The following ITPKC variants were observed in gnomAD, a reference collection of about 807,000 sequenced individuals.
ITPKC encodes the protein IP3 3-kinase C.
A neutral mutation model predicts 67.1 loss-of-function variants in ITPKC; 33 were observed. That is an observed-to-expected ratio of 0.49 (90% CI 0.37 to 0.66). The LOEUF is 0.66. ITPKC is among the 30% of genes least tolerant of loss of function. The probability of loss-of-function intolerance (pLI) is 0.00; values close to 1 mark genes in which losing one functional copy is unlikely to be tolerated. For missense variants in ITPKC, 820 were observed against 892.1 expected (o/e 0.92, Z 1.03); for synonymous variants, 341 against 359.8 (o/e 0.95, Z 0.59).
At chr19:40,719,787 G>A (rs2082212798) in intron 1 of ITPKC, among the ~76,000 whole-genome samples, 5 of 152,196 alleles carry the variant, frequency 3.3e-5, no homozygotes, top group East Asian at 1.9e-4. Flanking sequence ...CACTGCACCC[G>A]GCTGAGGTAG....
At chr19:40,739,070 A>G (rs1037496856) in intron 6 of ITPKC, among the ~76,000 whole-genome samples, 6 of 152,232 alleles carry the variant, frequency 3.9e-5, no homozygotes, top group African/African-American at 1.4e-4. Flanking sequence ...TCCACTTAAT[A>G]TTTTTGGATC....
chr19:40,731,922 A>T (rs193161445), intron 3 of ITPKC, among the ~76,000 whole-genome samples: 2 of 152,048 alleles, frequency 1.3e-5, no homozygotes, highest in Non-Finnish European at 2.9e-5. Flanking sequence ...AGCTTCTGAG[A>T]TCTAACACAC....
At chr19:40,733,130 T>C (rs751699439) in intron 3 of ITPKC, 30 bp from the exon 4 acceptor site, 1 of 1,602,448 alleles carries the variant, frequency 6.2e-7, no homozygotes, top group African/African-American at 1.3e-5. Context: ...TTCTACATAA[T>C]TTCCTTTGTC....
rs1225766526 is a variant in ITPKC, at chr19:40,740,740, ATACT to A, written c.*1183_*1186del. On this transcript the variant is annotated 3_prime_UTR_variant, in exon 7 of 7. Transcript: ENST00000263370. Reference sequence around the variant, plus strand: ...CTCTCCTTTTCTACTGACCATCTTGATACTTATTTATACGAGAGGCAGTTGCTGG... The same window carrying A: ...CTCTCCTTTTCTACTGACCATCTTGATATTTATACGAGAGGCAGTTGCTGG... The A allele has an allele frequency of 7.9e-6, 3 of 381,440 alleles. No homozygotes were observed. The highest frequency in any genetic ancestry group is 4.5e-5 in the Admixed American group (1 of 22,118). 23.6% of individuals were successfully genotyped at this position (381,440 alleles called of 1,614,324 possible).
Position 40,717,740 on chromosome 19 carries a change from C to G in ITPKC, c.605C>G (p.Ser202Cys). 6.2e-7 allele frequency: 1 copy of G among 1,613,866 alleles called. No individual in the cohort carries two copies. Among genetic ancestry groups the G allele is most frequent in the Middle Eastern group, 1.7e-4 (1 of 6,060 alleles). ...AACCTCTGGACCCACCAGAACAGTT[C>G]CAGCCTCCAGACTCACCCAGAAGGA... ...ADNLWTHQNSSSLQTHPEGAC... is the reference protein window; with the variant it reads ...ADNLWTHQNSCSLQTHPEGAC... Residue 202 changes from serine to cysteine, a missense_variant, in exon 1 of 7, where the codon TCC becomes TGC. Coordinates refer to ENST00000263370, the MANE Select transcript of ITPKC (RefSeq NM_025194.3).
At chr19:40,735,590 C>T (rs2082290799) in intron 4 of ITPKC, among the ~76,000 whole-genome samples, 1 of 152,086 alleles carries the variant, frequency 6.6e-6, no homozygotes, top group African/African-American at 2.4e-5. Context: ...GGAAGCCCTC[C>T]CTGATTTCTG....
intron 1 of ITPKC, among the ~76,000 whole-genome samples, chr19:40,722,656 G>A (rs1007149762): frequency 2.0e-5 from 3 of 152,192 alleles, no homozygotes; most frequent in African/African-American, 7.2e-5. Context: ...GGTGCAGAAT[G>A]TATTCCTGTG....
In ITPKC at chr19:40,718,144, C is replaced by T. The variant is rs2082201177; in HGVS notation, c.1009C>T (p.Pro337Ser). 1.9e-6 allele frequency: 3 copies of T among 1,605,748 alleles called. No homozygotes were observed. The highest frequency in any genetic ancestry group is 2.2e-5 in the East Asian group (1 of 44,774). Residue 337 changes from proline (P) to serine (S), a missense_variant, in exon 1 of 7, where the codon CCT becomes TCT. Around this residue, in one of 2 missense-constraint regions of ITPKC, gnomAD observed 481 missense variants for 470.1 expected, o/e 1.02. Transcript: ENST00000263370. ...VPRLIITPET[P>S]EPEAQPVGPP... ...CCGCCTCATCATTACCCCTGAGACC[C>T]CTGAGCCTGAGGCCCAGCCAGTGGG...
chr19:40,736,147 C>T (rs2144754450), intron 4 of ITPKC, among the ~76,000 whole-genome samples: 1 of 152,198 alleles, frequency 6.6e-6, no homozygotes, highest in South Asian at 2.1e-4. Context: ...AAAAATTAGC[C>T]AGGCGTGGTG....
At position 40,737,691 on chromosome 19, in the gene ITPKC, C is replaced by T; in HGVS notation, c.1777-7C>T. On this transcript the variant is annotated splice_polypyrimidine_tract_variant and splice_region_variant and intron_variant, in intron 5 of 6. Transcript: ENST00000263370. ...ATGCTAACCAAAGAACGCTCCCTGT[C>T]ACACAGCAAAAGTACGTGGCATGCC... 6.2e-7 allele frequency: 1 copy of T among 1,613,882 alleles called. No individual in the cohort carries two copies. The highest frequency in any genetic ancestry group is 8.5e-7 in the Non-Finnish European group (1 of 1,179,788).
rs779195698 is a variant in ITPKC at position 40,739,425 on chromosome 19, C to T, written c.1917C>T (p.Phe639=). The stretch of plus-strand genomic sequence containing the variant: ...TGGCCAAGGTCTGGATGATAGACTT[C>T]GGCAAGACGGTGGCCTTGCCCGACC... ...TGLAKVWMID[F]GKTVALPDHQ... Residue 639 remains phenylalanine, a synonymous_variant, in exon 7 of 7, where the codon TTC becomes TTT. Coordinates refer to ENST00000263370, the MANE Select transcript of ITPKC (RefSeq NM_025194.3). 27 of 1,613,644 alleles carry T rather than the reference C, an allele frequency of 1.7e-5. No individual in the cohort carries two copies. The highest frequency in any genetic ancestry group is 3.3e-5 in the Admixed American group (2 of 60,012).
chr19:40,730,954 A>T (rs908806192), intron 3 of ITPKC, among the ~76,000 whole-genome samples: 1 of 152,100 alleles, frequency 6.6e-6, no homozygotes, highest in African/African-American at 2.4e-5. Flanking sequence ...CAGGTTGGGG[A>T]CTCAGTCCCC....
chr19:40,737,298 C>T (rs545339251), intron 5 of ITPKC, among the ~76,000 whole-genome samples: 56 of 152,348 alleles, frequency 3.7e-4, no homozygotes, highest in African/African-American at 1.3e-3. Context: ...CTTGGCCGCA[C>T]GTCTCTCGAT....
intron 3 of ITPKC, among the ~76,000 whole-genome samples, chr19:40,730,356 C>CATAGT (rs886798332): frequency 2.6e-5 from 4 of 152,182 alleles, no homozygotes; most frequent in African/African-American, 9.6e-5. Context: ...CAGACACACA[C>CATAGT]ATAGTCTTCA....
intron 6 of ITPKC, among the ~76,000 whole-genome samples, chr19:40,738,384 G>T (rs955515632): frequency 2.6e-5 from 4 of 152,088 alleles, no homozygotes; most frequent in Admixed American, 1.3e-4. Flanking sequence ...AGCCGAGATT[G>T]TGCCGCTGCA....
chr19:40,729,125 G>T (rs1302709826), intron 2 of ITPKC, 77 bp from the exon 3 acceptor site: 2 of 1,153,552 alleles, frequency 1.7e-6, no homozygotes, highest in African/African-American at 3.0e-5. Flanking sequence ...GCCAGGATCT[G>T]ATGCAAACAG....
chr19:40,737,615 G>A, intron 5 of ITPKC, 83 bp from the exon 6 acceptor site: 1 of 1,215,134 alleles, frequency 8.2e-7, no homozygotes, highest in South Asian at 1.2e-5. Flanking sequence ...CTCCTTTGGG[G>A]GAATGGGGTG....
At chr19:40,723,383 C>T (rs2082231253) in intron 1 of ITPKC, among the ~76,000 whole-genome samples, 1 of 152,214 alleles carries the variant, frequency 6.6e-6, no homozygotes, top group African/African-American at 2.4e-5. Context: ...CGTAAGCCAT[C>T]GTACCCGCTG....
chr19:40,726,511 A>G (rs541336061), intron 2 of ITPKC, among the ~76,000 whole-genome samples: 8 of 152,346 alleles, frequency 5.3e-5, no homozygotes, highest in Non-Finnish European at 1.0e-4. Flanking sequence ...GAAAGCTGCC[A>G]TAGACACTAT....
Sources: allele counts gnomAD v4.1 joint callset (sites outside exome capture counted in the v4.1 genomes callset), GRCh38; gene constraint gnomAD v4.1.1; regional missense constraint gnomAD v4.1.1; transcripts MANE v1.5; gene names NCBI Gene and HGNC (gene_info 2026-07-23, HGNC 2026-07-21).